Variants in COBLL1 observed in about 807,000 individuals in gnomAD.
The protein encoded by COBLL1 is cordon-bleu WH2 repeat protein like 1.
A neutral mutation model predicts 94.8 loss-of-function variants in COBLL1; 50 were observed. The observed-to-expected ratio is 0.53, with a 90% confidence interval of 0.42 to 0.67. COBLL1 has a LOEUF of 0.67. COBLL1 is among the 30% of genes least tolerant of loss of function. COBLL1 has a pLI of 0.00. For synonymous variants in COBLL1, 448 were observed against 473.8 expected, an observed-to-expected ratio of 0.95 and a Z score of 0.71; for missense variants, 1,362 against 1,348.7, an observed-to-expected ratio of 1.01 and a Z score of -0.15.
intron 2 of COBLL1, among the ~76,000 whole-genome samples, chr2:164,798,069 C>T (rs1299803229): frequency 6.6e-6 from 1 of 152,092 alleles, no homozygotes; most frequent in African/African-American, 2.4e-5. Flanking sequence ...AAGTGGCCAA[C>T]AAATGTAAAA....
At chr2:164,831,506 C>G (rs1164418565) in intron 2 of COBLL1, among the ~76,000 whole-genome samples, 1 of 151,386 alleles carries the variant, frequency 6.6e-6, no homozygotes, top group Admixed American at 6.6e-5. Flanking sequence ...CTACCACTTT[C>G]AGCTTTGCTC....
At chr2:164,791,651 A>G (rs1683195259) in intron 2 of COBLL1, among the ~76,000 whole-genome samples, 1 of 152,180 alleles carries the variant, frequency 6.6e-6, no homozygotes, top group African/African-American at 2.4e-5. Flanking sequence ...ACATCCAGAC[A>G]TCTGTTAATT....
At chr2:164,674,209 C>T (rs1021159582) in intron 1 of COBLL1, among the ~76,000 whole-genome samples, 1 of 152,086 alleles carries the variant, frequency 6.6e-6, no homozygotes, top group African/African-American at 2.4e-5. Context: ...TATAGGCACG[C>T]ACCACCAGAC....
intron 2 of COBLL1, chr2:164,773,795 C>T (rs760350920): frequency 8.0e-7 from 1 of 1,257,728 alleles, no homozygotes; most frequent in South Asian, 1.4e-5. Flanking sequence ...TGCTCTGTTA[C>T]TAACTCAACT....
At chr2:164,725,488 G>A (rs1180093783) in intron 5 of COBLL1, among the ~76,000 whole-genome samples, 1 of 151,942 alleles carries the variant, frequency 6.6e-6, no homozygotes, top group African/African-American at 2.4e-5. Context: ...CAGGGTCATG[G>A]CTCACCACAG....
At chr2:164,688,469 A>G (rs890252370) in intron 13 of COBLL1, among the ~76,000 whole-genome samples, 1 of 152,138 alleles carries the variant, frequency 6.6e-6, no homozygotes, top group African/African-American at 2.4e-5. Flanking sequence ...AATGTTTTTG[A>G]ATGAGGAACA....
intron 2 of COBLL1, among the ~76,000 whole-genome samples, chr2:164,788,837 A>G (rs1240776193): frequency 9.5e-6 from 1 of 105,590 alleles, no homozygotes; most frequent in African/African-American, 5.4e-5. Flanking sequence ...TCTATGTTTA[A>G]CCAAAAAAAA....
At chr2:164,766,466 C>T (rs1687939561) in intron 2 of COBLL1, among the ~76,000 whole-genome samples, 1 of 152,110 alleles carries the variant, frequency 6.6e-6, no homozygotes, top group Non-Finnish European at 1.5e-5. Flanking sequence ...TGTGGCACCT[C>T]TTCCCTTTTG....
rs1204040675 is a variant in COBLL1, at chr2:164,683,276, A to G, written c.*2670T>C. On this transcript the variant is annotated 3_prime_UTR_variant, in exon 14 of 14. Coordinates refer to ENST00000652658, the MANE Select transcript of COBLL1 (RefSeq NM_001365672.2). ...GCAAAATGCCTAGATGCTAAAAATT[A>G]TACATGAAAGTCAAAAGTTGGTTCT... 1.3e-5 allele frequency: 2 copies of G among 152,094 alleles called. No individual in the cohort carries two copies. Among genetic ancestry groups the G allele is most frequent in the East Asian group, 3.8e-4 (2 of 5,200 alleles). 9.4% of individuals were successfully genotyped at this position (152,094 alleles called of 1,614,324 possible). A position where few individuals can be genotyped will look rare whatever the true frequency, so the allele number is the denominator to read the frequency against.
intron 6 of COBLL1, 50 bp downstream of exon 6, chr2:164,722,375 T>C: frequency 1.3e-6 from 2 of 1,502,922 alleles, no homozygotes; most frequent in Non-Finnish European, 1.8e-6. Context: ...GCATTAGTAA[T>C]TAAAAATAAT....
At chr2:164,662,585 G>A (rs1003166471) in intron 2 of COBLL1, among the ~76,000 whole-genome samples, 2 of 152,180 alleles carry the variant, frequency 1.3e-5, no homozygotes, top group Admixed American at 6.5e-5. Flanking sequence ...ATGTTGAAAT[G>A]TAATGCCTAG....
At chr2:164,699,359 CATAATAAAA>C (rs1223972037) in intron 11 of COBLL1, 37 bp downstream of exon 11, 3 of 1,228,182 alleles carry the variant, frequency 2.4e-6, no homozygotes, top group Non-Finnish European at 3.6e-6. Context: ...GTCCTTGGCA[CATAATAAAA>C]GTAAGAAAGT....
At chr2:164,775,388 T>C (rs1688416212) in intron 2 of COBLL1, among the ~76,000 whole-genome samples, 1 of 152,176 alleles carries the variant, frequency 6.6e-6, no homozygotes, top group Non-Finnish European at 1.5e-5. Context: ...CTGAAATCTT[T>C]CCCTGAAAAC....
chr2:164,726,236 G>A (rs903659033), intron 5 of COBLL1, among the ~76,000 whole-genome samples: 3 of 152,114 alleles, frequency 2.0e-5, no homozygotes, highest in Non-Finnish European at 4.4e-5. Context: ...GTAATAAAAT[G>A]TTGTTGCTAG....
intron 3 of COBLL1, among the ~76,000 whole-genome samples, chr2:164,740,771 AT>A (rs1686546865): frequency 6.6e-6 from 1 of 152,202 alleles, no homozygotes; most frequent in Non-Finnish European, 1.5e-5. Flanking sequence ...GTGTCGGAAG[AT>A]TTTGGAAGCC....
chr2:164,761,626 T>G (rs763931796), intron 2 of COBLL1, among the ~76,000 whole-genome samples: 14 of 152,192 alleles, frequency 9.2e-5, no homozygotes, highest in Non-Finnish European at 1.9e-4. Flanking sequence ...TTATAGGCCT[T>G]TATCTATGCT....
intron 2 of COBLL1, among the ~76,000 whole-genome samples, chr2:164,759,026 T>A (rs1687554537): frequency 6.6e-6 from 1 of 152,104 alleles, no homozygotes; most frequent in Admixed American, 6.5e-5. Context: ...TTATAATTAT[T>A]AAAATATATG....
At chr2:164,661,758 T>C (rs1321843650) in intron 2 of COBLL1, among the ~76,000 whole-genome samples, 2 of 152,200 alleles carry the variant, frequency 1.3e-5, no homozygotes, top group African/African-American at 4.8e-5. Context: ...TGGAATTTAA[T>C]TTATAAGTAA....
chr2:164,667,610 C>T (rs565952844), intron 1 of COBLL1, among the ~76,000 whole-genome samples: 1 of 152,346 alleles, frequency 6.6e-6, no homozygotes, highest in Admixed American at 6.5e-5. Context: ...CTTCACTTTA[C>T]ACTTTTCTGT....
Sources: gnomAD v4.1 joint callset for allele counts (sites outside exome capture counted in the v4.1 genomes callset) on GRCh38, gnomAD v4.1.1 for gene constraint, MANE v1.5 for transcripts, NCBI Gene and HGNC (gene_info 2026-07-23, HGNC 2026-07-21) for gene names.